Variants in MANBA observed in about 807,000 individuals in gnomAD.
The protein encoded by MANBA is beta-mannosidase.
In MANBA, 83 loss-of-function variants were observed where a neutral mutation model predicts 111.1. The ratio of observed to expected loss-of-function variants is 0.75; its 90% CI spans 0.63 to 0.90. The LOEUF is 0.90. Among genes scored for constraint, MANBA ranks in the 40% least tolerant of loss-of-function variants. The probability of loss-of-function intolerance (pLI) is 0.00; values close to 1 mark genes in which losing one functional copy is unlikely to be tolerated. For missense variants in MANBA, 1,036 were observed against 1,069.0 expected, an observed-to-expected ratio of 0.97 and a Z score of 0.43; for synonymous variants, 370 against 378.7, an observed-to-expected ratio of 0.98 and a Z score of 0.27.
chr4:102,631,843 C>T lies in MANBA; in HGVS notation c.*214G>A. The T allele has an allele frequency of 1.6e-6, 1 of 630,144 alleles. No homozygotes were observed. The highest frequency in any genetic ancestry group is 2.8e-6 in the Non-Finnish European group (1 of 353,268). The allele number at this position is 630,144 out of a possible 1,614,324, so 39.0% of individuals were successfully genotyped here. A position where few individuals can be genotyped will look rare whatever the true frequency, so the allele number is the denominator to read the frequency against. The stretch of plus-strand genomic sequence containing the variant: ...AGTCCTGGCACAGATTCCAGGACAC[C>T]CCGGCACAGGCTTGTTTGAGGACAT... On this transcript the variant is annotated 3_prime_UTR_variant, in exon 17 of 17. Transcript: ENST00000647097.
In MANBA at chr4:102,631,957, T is replaced by C; in HGVS notation, c.*100A>G. On this transcript the variant is annotated 3_prime_UTR_variant, in exon 17 of 17. Coordinates refer to ENST00000647097, the MANE Select transcript of MANBA (RefSeq NM_005908.4). ...AAATGCGTGGCAGCACGCAGACATG[T>C]CTCTCGGCTTCTCTCCTTGTCTCTG... The C allele has an allele frequency of 2.0e-6, 2 of 1,007,340 alleles. No individual in the cohort carries two copies. The highest frequency in any genetic ancestry group is 3.1e-6 in the Non-Finnish European group (2 of 642,788). 62.4% of individuals were successfully genotyped at this position (1,007,340 alleles called of 1,614,324 possible).
intron 5 of MANBA, among the ~76,000 whole-genome samples, chr4:102,699,886 G>C (rs377103512): frequency 6.7e-6 from 1 of 150,204 alleles, no homozygotes. Flanking sequence ...ATGAGTTAGG[G>C]AGGATTCCCT....
intron 1 of MANBA, among the ~76,000 whole-genome samples, chr4:102,740,459 T>C (rs1401795999): frequency 5.3e-5 from 8 of 152,080 alleles, no homozygotes. Flanking sequence ...AAAATTCATA[T>C]AAAACTCAAA....
At chr4:102,733,058 C>T (rs972043625) in intron 1 of MANBA, among the ~76,000 whole-genome samples, 1 of 152,150 alleles carries the variant, frequency 6.6e-6, no homozygotes, top group Admixed American at 6.5e-5. Flanking sequence ...TCGACACAAA[C>T]ATAATTTATA....
At chr4:102,708,651 A>T (rs1214762185) in intron 5 of MANBA, among the ~76,000 whole-genome samples, 1 of 152,076 alleles carries the variant, frequency 6.6e-6, no homozygotes, top group Non-Finnish European at 1.5e-5. Context: ...GATAATAATG[A>T]TCAGAGCAGA....
At chr4:102,751,453 A>G (rs536186308) in intron 1 of MANBA, 1 of 516,044 alleles carries the variant, frequency 1.9e-6, no homozygotes, top group East Asian at 5.4e-5. Context: ...TATGCTGTAA[A>G]TGATGTTTCC....
At chr4:102,688,163 A>G (rs1404590171) in intron 7 of MANBA, among the ~76,000 whole-genome samples, 1 of 152,120 alleles carries the variant, frequency 6.6e-6, no homozygotes, top group African/African-American at 2.4e-5. Context: ...ACAACACACA[A>G]CAAACTCACT....
intron 12 of MANBA, among the ~76,000 whole-genome samples, chr4:102,653,690 A>G (rs975335375): frequency 6.6e-6 from 1 of 152,218 alleles, no homozygotes; most frequent in Non-Finnish European, 1.5e-5. Flanking sequence ...AACTTTTTCT[A>G]TTTTAAAATA....
At chr4:102,752,671 C>A in intron 1 of MANBA, 1 of 527,620 alleles carries the variant, frequency 1.9e-6, no homozygotes, top group South Asian at 1.5e-5. Flanking sequence ...CATAGAGATT[C>A]TTTATACAAA....
intron 4 of MANBA, among the ~76,000 whole-genome samples, chr4:102,717,846 A>G (rs1216046734): frequency 6.6e-6 from 1 of 152,254 alleles, no homozygotes; most frequent in African/African-American, 2.4e-5. Context: ...AGACCCATGG[A>G]CACTGGCCTA....
intron 7 of MANBA, among the ~76,000 whole-genome samples, chr4:102,685,960 T>C (rs1732191936): frequency 6.6e-6 from 1 of 152,100 alleles, no homozygotes; most frequent in Non-Finnish European, 1.5e-5. Context: ...CCTTGTGTCC[T>C]TTCAATGTGT....
intron 10 of MANBA, chr4:102,666,687 G>A (rs1731241485): frequency 6.6e-6 from 1 of 152,204 alleles, no homozygotes; most frequent in Non-Finnish European, 1.5e-5. Flanking sequence ...CTTACCCAGA[G>A]GTCAAGAAGC....
intron 1 of MANBA, among the ~76,000 whole-genome samples, chr4:102,755,202 G>A (rs565182611): frequency 1.2e-4 from 18 of 152,194 alleles, no homozygotes; most frequent in South Asian, 4.2e-4. Flanking sequence ...GAGGCATCAC[G>A]TTACCTGACT....
chr4:102,661,804 C>G (rs1447195094), intron 11 of MANBA, among the ~76,000 whole-genome samples: 1 of 152,166 alleles, frequency 6.6e-6, no homozygotes, highest in Admixed American at 6.5e-5. Flanking sequence ...ACCTTAAACC[C>G]TTAGTTGGAC....
chr4:102,691,605 A>C (rs1732479821), intron 5 of MANBA, among the ~76,000 whole-genome samples: 1 of 151,348 alleles, frequency 6.6e-6, no homozygotes, highest in South Asian at 2.1e-4. Flanking sequence ...TCCTGGGCTC[A>C]AGCAATCCTC....
intron 4 of MANBA, among the ~76,000 whole-genome samples, chr4:102,714,897 T>A (rs1722254836): frequency 6.6e-6 from 1 of 152,234 alleles, no homozygotes; most frequent in African/African-American, 2.4e-5. Context: ...TGTATTGGAA[T>A]AGGGCCCACA....
intron 1 of MANBA, chr4:102,727,668 G>C: frequency 1.4e-6 from 2 of 1,385,640 alleles, no homozygotes; most frequent in Non-Finnish European, 2.1e-6. Context: ...TAAGTTGAAC[G>C]CAGTCTCAGC....
At chr4:102,728,487 C>T (rs1226057482) in intron 1 of MANBA, 6 of 377,008 alleles carry the variant, frequency 1.6e-5, no homozygotes, top group Non-Finnish European at 2.5e-5. Context: ...CCATCTTTCA[C>T]ATTTGAAAAA....
At chr4:102,705,163 A>G (rs750490264) in intron 5 of MANBA, among the ~76,000 whole-genome samples, 28 of 152,262 alleles carry the variant, frequency 1.8e-4, no homozygotes, top group Non-Finnish European at 3.7e-4. Flanking sequence ...AGGCTCCCCA[A>G]TGCTGGGAGA....
Sources: allele counts gnomAD v4.1 joint callset (sites outside exome capture counted in the v4.1 genomes callset), GRCh38; gene constraint gnomAD v4.1.1; transcripts MANE v1.5; gene names NCBI Gene and HGNC (gene_info 2026-07-23, HGNC 2026-07-21).